The following DNAJC6 variants were observed in gnomAD, a reference collection of about 807,000 sequenced individuals.
DNAJC6 encodes DnaJ heat shock protein family (Hsp40) member C6.
In DNAJC6, 34 loss-of-function variants were observed where a neutral mutation model predicts 110.0. The ratio of observed to expected loss-of-function variants is 0.31; its 90% CI spans 0.24 to 0.41. The LOEUF (loss-of-function observed/expected upper bound fraction) is 0.41, where lower values mean the gene tolerates loss of function less well. DNAJC6 is among the 10% of genes least tolerant of loss of function. The pLI is 1.00. For synonymous variants in DNAJC6, 406 were observed against 437.2 expected (o/e 0.93, Z 0.89); for missense variants, 1,031 against 1,207.8 (o/e 0.85, Z 2.17).
Position 65,408,494 on chromosome 1 carries a change from T to C in DNAJC6, c.2492-147T>C, listed in dbSNP as rs1646097740. The C allele has an allele frequency of 8.3e-6, 7 of 840,108 alleles. No individual in the cohort carries two copies. In the South Asian group the frequency reaches 1.3e-4, roughly 15 times the overall value. The allele number at this position is 840,108 out of a possible 1,614,324, so 52.0% of individuals were successfully genotyped here. A position where few individuals can be genotyped will look rare whatever the true frequency, so the allele number is the denominator to read the frequency against. The stretch of plus-strand genomic sequence containing the variant: ...CTGTAGAATGGATGCAACAGTCTCT[T>C]ACCCTACTCACAGGGTAAGCAAGCA... On this transcript the variant is annotated intron_variant, in intron 16 of 18. Coordinates refer to ENST00000371069, the MANE Select transcript of DNAJC6 (RefSeq NM_001256864.2).
chr1:65,410,842 A>T (rs1391332899), intron 17 of DNAJC6, among the ~76,000 whole-genome samples: 1 of 152,254 alleles, frequency 6.6e-6, no homozygotes. Flanking sequence ...ACACAATTAC[A>T]ATAAAGTGTG....
chr1:65,270,536 A>G (rs1653469638), intron 1 of DNAJC6, among the ~76,000 whole-genome samples: 1 of 152,210 alleles, frequency 6.6e-6, no homozygotes, highest in Admixed American at 6.5e-5. Flanking sequence ...GTCTGCAACA[A>G]TGAGATTGAG....
intron 4 of DNAJC6, among the ~76,000 whole-genome samples, chr1:65,368,604 TCTC>T (rs985310915): frequency 4.5e-5 from 6 of 132,914 alleles, no homozygotes; most frequent in Admixed American, 3.0e-4. Context: ...TTCTTCTTCT[TCTC>T]CTCCTTCTCC....
chr1:65,401,717 C>T (rs764899451), intron 14 of DNAJC6, 44 bp from the exon 15 acceptor site: 5 of 1,587,624 alleles, frequency 3.1e-6, no homozygotes, highest in Non-Finnish European at 4.3e-6. Flanking sequence ...ACAATTCAGC[C>T]TCAAACAACT....
intron 1 of DNAJC6, among the ~76,000 whole-genome samples, chr1:65,328,186 A>G (rs1316599368): frequency 1.3e-5 from 2 of 152,262 alleles, no homozygotes; most frequent in Admixed American, 6.5e-5. Context: ...TGAAGGAACT[A>G]TCAAAATATT....
intron 7 of DNAJC6, among the ~76,000 whole-genome samples, chr1:65,386,194 G>A (rs1645870784): frequency 6.6e-6 from 1 of 152,186 alleles, no homozygotes; most frequent in African/African-American, 2.4e-5. Context: ...GAAGGAGATG[G>A]CCTTGATGGG....
intron 1 of DNAJC6, among the ~76,000 whole-genome samples, chr1:65,354,106 A>G (rs1429660405): frequency 6.6e-6 from 1 of 152,140 alleles, no homozygotes; most frequent in East Asian, 1.9e-4. Context: ...CTTGCTGTTG[A>G]AGACTCAATA....
At position 65,413,192 on chromosome 1, in the gene DNAJC6, G is replaced by A. The variant is rs1646144395; in HGVS notation, c.*167G>A. 1 of 580,632 alleles carries A rather than the reference G, an allele frequency of 1.7e-6. No homozygotes were observed. Among genetic ancestry groups the A allele is most frequent in the Admixed American group, 3.3e-5 (1 of 29,926 alleles). 36.0% of individuals were successfully genotyped at this position (580,632 alleles called of 1,614,324 possible). ...TCATTGATAAGGAATGTGGATGTTT[G>A]GTTTCTCCAAAGTTCCCACCATAAA... On this transcript the variant is annotated 3_prime_UTR_variant, in exon 19 of 19. Coordinates refer to ENST00000371069, the MANE Select transcript of DNAJC6 (RefSeq NM_001256864.2).
At chr1:65,356,757 A>G (rs928196953) in intron 1 of DNAJC6, among the ~76,000 whole-genome samples, 2 of 151,648 alleles carry the variant, frequency 1.3e-5, no homozygotes, top group African/African-American at 4.8e-5. Context: ...TAGGGTGGGG[A>G]GTTGGTGGGG....
chr1:65,348,419 TC>T (rs1238173947), intron 1 of DNAJC6, among the ~76,000 whole-genome samples: 5 of 152,226 alleles, frequency 3.3e-5, no homozygotes, highest in African/African-American at 9.6e-5. Context: ...TGTGGGTTTG[TC>T]CCTTTATGTC....
intron 5 of DNAJC6, 81 bp from the exon 6 acceptor site, chr1:65,384,112 T>C: frequency 7.5e-7 from 1 of 1,337,874 alleles, no homozygotes; most frequent in African/African-American, 1.5e-5. Flanking sequence ...CTCTGTCTCT[T>C]AATTGCAAAT....
At chr1:65,322,013 G>C (rs1426161291) in intron 1 of DNAJC6, among the ~76,000 whole-genome samples, 1 of 152,324 alleles carries the variant, frequency 6.6e-6, no homozygotes. Context: ...CCTAACAGGA[G>C]ATAGGAGCCT....
chr1:65,352,492 CAG>C (rs1449430276), intron 1 of DNAJC6, among the ~76,000 whole-genome samples: 1 of 152,198 alleles, frequency 6.6e-6, no homozygotes, highest in Non-Finnish European at 1.5e-5. Context: ...CTTTGAGACA[CAG>C]TTCCCTTATC....
intron 5 of DNAJC6, among the ~76,000 whole-genome samples, chr1:65,383,024 C>T (rs1203776908): frequency 6.6e-6 from 1 of 152,068 alleles, no homozygotes; most frequent in African/African-American, 2.4e-5. Flanking sequence ...TTTTTGTTCT[C>T]ACAAAAGGAT....
At chr1:65,276,930 A>G (rs1653692178) in intron 1 of DNAJC6, among the ~76,000 whole-genome samples, 1 of 152,074 alleles carries the variant, frequency 6.6e-6, no homozygotes, top group Admixed American at 6.6e-5. Flanking sequence ...TATACCCTAA[A>G]TAGGAAAATG....
chr1:65,323,569 C>A (rs1452915952), intron 1 of DNAJC6, among the ~76,000 whole-genome samples: 4 of 152,068 alleles, frequency 2.6e-5, no homozygotes, highest in African/African-American at 7.2e-5. Flanking sequence ...CGATGTGAAA[C>A]TAGATTAATA....
chr1:65,412,775 T>C (rs1646140263), intron 18 of DNAJC6, 149 bp from the exon 19 acceptor site: 1 of 672,372 alleles, frequency 1.5e-6, no homozygotes. Flanking sequence ...GTAATTTGGG[T>C]CAGATATAGT....
rs1319801791 is a variant in DNAJC6, at chr1:65,388,371, C to T, written c.1149C>T (p.His383=). Residue 383 remains histidine, a synonymous_variant, in exon 9 of 19, where the codon CAC becomes CAT. Transcript: ENST00000371069. ...TNTQIFQLQF[H]TGFIPLDTTV... ...CACAGATATTCCAGCTTCAGTTTCA[C>T]ACTGGATTCATACCACTGGACACAA... 6.2e-7 allele frequency: 1 copy of T among 1,614,122 alleles called. No homozygotes were observed. Among genetic ancestry groups the T allele is most frequent in the Non-Finnish European group, 8.5e-7 (1 of 1,179,996 alleles).
At chr1:65,311,232 T>TTG (rs1645097859) in intron 1 of DNAJC6, among the ~76,000 whole-genome samples, 1 of 139,218 alleles carries the variant, frequency 7.2e-6, no homozygotes, top group South Asian at 2.5e-4. Flanking sequence ...TTTTTTTTTT[T>TTG]TTTTTTTTTT....
Sources: gnomAD v4.1 joint callset for allele counts (sites outside exome capture counted in the v4.1 genomes callset) on GRCh38, gnomAD v4.1.1 for gene constraint, MANE v1.5 for transcripts, NCBI Gene and HGNC (gene_info 2026-07-23, HGNC 2026-07-21) for gene names.